Variants in RBFOX1 observed in about 807,000 individuals in gnomAD.
RBFOX1 encodes RNA binding fox-1 homolog 1.
In RBFOX1, 8 loss-of-function variants were observed where a neutral mutation model predicts 57.7. That is an observed-to-expected ratio of 0.14 (90% confidence interval 0.08 to 0.25). The LOEUF (loss-of-function observed/expected upper bound fraction) is 0.25, where lower values mean the gene tolerates loss of function less well. RBFOX1 is among the 10% of genes least tolerant of loss of function. RBFOX1 has a pLI of 1.00. For synonymous variants in RBFOX1, 326 were observed against 222.4 expected, an observed-to-expected ratio of 1.47 and a Z score of -4.15; for missense variants, 611 against 548.5, an observed-to-expected ratio of 1.11 and a Z score of -1.14.
rs745805985 is a variant in RBFOX1 at position 7,496,753 on chromosome 16, A to AAAAC, written c.28-21391_28-21390insCAAA. Among the ~76,000 whole-genome samples, 772 of 151,794 alleles carry AAAAC rather than the reference A, an allele frequency of 5.1e-3. 27 individuals carry two copies. Among genetic ancestry groups the AAAAC allele is most frequent in the African/African-American group, 0.017 (721 of 41,352 alleles). On this transcript the variant is annotated intron_variant, in intron 4 of 15. Transcript: ENST00000550418. The stretch of plus-strand genomic sequence containing the variant: ...TAGAAAAGACTACAGAACAGAAAAA[A>AAAAC]AAAAAACAGTTTGCATTGTGTAATT...
chr16:5,538,854 C>T (rs191661698), intron 2 of RBFOX1, among the ~76,000 whole-genome samples: 2 of 152,188 alleles, frequency 1.3e-5, no homozygotes, highest in African/African-American at 2.4e-5. Flanking sequence ...TCTCGATCTC[C>T]TGACATCATG....
intron 3 of RBFOX1, among the ~76,000 whole-genome samples, chr16:6,761,540 C>A (rs1315216075): frequency 9.7e-6 from 1 of 102,922 alleles, no homozygotes; most frequent in East Asian, 3.4e-4. Context: ...CAGAGTCTTG[C>A]TCTGTCACCC....
chr16:7,303,394 A>G (rs1020375182), intron 4 of RBFOX1, among the ~76,000 whole-genome samples: 1 of 152,116 alleles, frequency 6.6e-6, no homozygotes, highest in Admixed American at 6.5e-5. Context: ...TTATTTGGCA[A>G]GGAATCCGGC....
chr16:5,482,438 A>G (rs893165082), intron 2 of RBFOX1, among the ~76,000 whole-genome samples: 2 of 152,112 alleles, frequency 1.3e-5, no homozygotes, highest in Admixed American at 6.5e-5. Flanking sequence ...GCGAGGTGCA[A>G]ATTTTCATGG....
intron 4 of RBFOX1, among the ~76,000 whole-genome samples, chr16:5,968,400 C>A (rs2059894232): frequency 6.6e-6 from 1 of 152,074 alleles, no homozygotes; most frequent in Non-Finnish European, 1.5e-5. Context: ...AGGGGACGAT[C>A]AATGAGGATT....
intron 3 of RBFOX1, among the ~76,000 whole-genome samples, chr16:5,857,963 A>C (rs1313267326): frequency 6.6e-6 from 1 of 151,996 alleles, no homozygotes; most frequent in Non-Finnish European, 1.5e-5. Flanking sequence ...TAAAAAAAGA[A>C]ATGTTATAAA....
intron 3 of RBFOX1, among the ~76,000 whole-genome samples, chr16:5,689,058 C>T (rs1489699763): frequency 2.0e-5 from 3 of 152,176 alleles, no homozygotes; most frequent in African/African-American, 7.2e-5. Context: ...GTGTCACTTA[C>T]CTAACTTTGA....
intron 1 of RBFOX1, among the ~76,000 whole-genome samples, chr16:5,264,342 C>T (rs13339203): frequency 5.3e-5 from 8 of 152,160 alleles, no homozygotes; most frequent in African/African-American, 1.7e-4. Flanking sequence ...ACGTGGTCAC[C>T]CTGGCCCTGC....
At chr16:7,667,928 T>C (rs908285697) in intron 13 of RBFOX1, among the ~76,000 whole-genome samples, 10 of 152,030 alleles carry the variant, frequency 6.6e-5, no homozygotes, top group African/African-American at 2.4e-4. Flanking sequence ...TCCGCCTCGG[T>C]CTCCCAAAGT....
chr16:7,428,370 A>G (rs1032128644), intron 4 of RBFOX1, among the ~76,000 whole-genome samples: 2 of 128,370 alleles, frequency 1.6e-5, no homozygotes, highest in African/African-American at 6.0e-5. Context: ...TCTGTTGCTC[A>G]GGCTGGAGTG....
Position 6,147,775 on chromosome 16 carries a change from C to T in RBFOX1, c.-127+127783C>T, listed in dbSNP as rs534593145. 3.3e-5 allele frequency among the ~76,000 whole-genome samples: 5 copies of T among 152,328 alleles called. No homozygotes were observed. In the South Asian group the frequency reaches 8.3e-4, roughly 25 times the overall value. On this transcript the variant is annotated intron_variant, in intron 1 of 15. Transcript: ENST00000550418. ...CAAGTTTGTAATTGGTGTCACCATC[C>T]ACTCAGTTGCTGAAATTAAAACCTA... is the stretch of plus-strand genomic sequence containing the variant.
intron 2 of RBFOX1, among the ~76,000 whole-genome samples, chr16:6,371,392 T>C (rs1393744520): frequency 1.3e-5 from 2 of 152,210 alleles, no homozygotes; most frequent in Admixed American, 1.3e-4. Flanking sequence ...CTTATTTCAG[T>C]ATAAAGTCAT....
intron 3 of RBFOX1, among the ~76,000 whole-genome samples, chr16:7,011,133 A>G (rs995547576): frequency 6.6e-6 from 1 of 151,720 alleles, no homozygotes; most frequent in African/African-American, 2.4e-5. Context: ...GCTGTGTCTT[A>G]CATAGTTGAA....
intron 2 of RBFOX1, among the ~76,000 whole-genome samples, chr16:6,643,414 G>T (rs1438401530): frequency 1.1e-5 from 1 of 92,474 alleles, no homozygotes; most frequent in Non-Finnish European, 2.2e-5. Flanking sequence ...GTTTTTGTTT[G>T]TTTGTTAGTT....
intron 2 of RBFOX1, among the ~76,000 whole-genome samples, chr16:6,639,078 C>T (rs1435156993): frequency 2.0e-5 from 3 of 152,222 alleles, no homozygotes; most frequent in Non-Finnish European, 4.4e-5. Flanking sequence ...TCGTTTCACT[C>T]AGAGCAGCAG....
intron 3 of RBFOX1, among the ~76,000 whole-genome samples, chr16:5,785,798 A>G (rs1278975471): frequency 6.6e-6 from 1 of 152,120 alleles, no homozygotes; most frequent in African/African-American, 2.4e-5. Flanking sequence ...AAGTGCTGGG[A>G]TTATAGACAT....
In RBFOX1 at chr16:7,151,938, T is replaced by A. The variant is rs539567347; in HGVS notation, c.27+99840T>A. On this transcript the variant is annotated intron_variant, in intron 4 of 15. Transcript: ENST00000550418. ...GAGCTATGGGGAATGGCTGTAAATA[T>A]AGATGAAGCTTTGCTTGCTCACCTG... 1.2e-4 allele frequency among the ~76,000 whole-genome samples: 18 copies of A among 152,290 alleles called. No homozygotes were observed. The East Asian group carries it at 3.5e-3, about 29-fold the overall frequency.
At chr16:6,258,849 G>A (rs948070617) in intron 1 of RBFOX1, among the ~76,000 whole-genome samples, 2 of 152,014 alleles carry the variant, frequency 1.3e-5, no homozygotes, top group Non-Finnish European at 2.9e-5. Flanking sequence ...TTTCATGCCT[G>A]TATCAAAACA....
chr16:6,608,054 T>C (rs10521254), intron 2 of RBFOX1, among the ~76,000 whole-genome samples: 10,381 of 152,204 alleles, frequency 0.068, 905 homozygotes, highest in East Asian at 0.22. Flanking sequence ...AAGTCCTTCA[T>C]TGTACAGAAT....
Sources: gnomAD v4.1 joint callset for allele counts (sites outside exome capture counted in the v4.1 genomes callset) on GRCh38, gnomAD v4.1.1 for gene constraint, MANE v1.5 for transcripts, NCBI Gene and HGNC (gene_info 2026-07-23, HGNC 2026-07-21) for gene names.